RBMS3: variants seen among roughly 807,000 people sequenced by gnomAD.
RBMS3 encodes the protein RNA binding motif single stranded interacting protein 3, also known as RNA-binding motif, single-stranded-interacting protein 3.
A neutral mutation model predicts 66.8 loss-of-function variants in RBMS3; 27 were observed. That is an observed-to-expected ratio of 0.40 (90% CI 0.30 to 0.56). The LOEUF (loss-of-function observed/expected upper bound fraction) is 0.56. Ranked by LOEUF, RBMS3 falls within the 20% of genes least tolerant of loss-of-function variation. The pLI is 0.40. For synonymous variants in RBMS3, 188 were observed against 183.0 expected, an observed-to-expected ratio of 1.03 and a Z score of -0.22; for missense variants, 513 against 549.5, an observed-to-expected ratio of 0.93 and a Z score of 0.66.
At chr3:29,364,827 T>C (rs2037806380) in intron 1 of RBMS3, among the ~76,000 whole-genome samples, 1 of 152,172 alleles carries the variant, frequency 6.6e-6, no homozygotes. Flanking sequence ...TCCATTTTCT[T>C]ATAGCTTGAA....
At chr3:29,302,839 T>G (rs896152960) in intron 1 of RBMS3, among the ~76,000 whole-genome samples, 4 of 152,042 alleles carry the variant, frequency 2.6e-5, no homozygotes, top group Non-Finnish European at 4.4e-5. Context: ...CCTGTCTATT[T>G]CTTTATCTCT....
intron 3 of RBMS3, among the ~76,000 whole-genome samples, chr3:29,564,313 TAAAAATACA>T (rs1319723651): frequency 6.6e-6 from 1 of 151,572 alleles, no homozygotes; most frequent in African/African-American, 2.4e-5. Context: ...ATGTCTCCAC[TAAAAATACA>T]AAAAATACAA....
At chr3:29,807,626 G>A (rs2057598983) in intron 6 of RBMS3, among the ~76,000 whole-genome samples, 1 of 151,840 alleles carries the variant, frequency 6.6e-6, no homozygotes, top group African/African-American at 2.4e-5. Context: ...GTACAATGCA[G>A]TACTACACAG....
intron 1 of RBMS3, among the ~76,000 whole-genome samples, chr3:29,346,691 C>T (rs892855278): frequency 2.6e-5 from 4 of 152,020 alleles, no homozygotes; most frequent in Non-Finnish European, 1.5e-5. Flanking sequence ...CCGCGCCTGG[C>T]CAGCAATTCA....
intron 1 of RBMS3, among the ~76,000 whole-genome samples, chr3:29,429,097 C>T (rs59019163): frequency 0.11 from 16,310 of 152,074 alleles, 1,185 homozygotes; most frequent in East Asian, 0.29. Flanking sequence ...TGGGAGACTG[C>T]GTGGCTTCTG....
chr3:29,392,743 A>C (rs1001303999), intron 1 of RBMS3, among the ~76,000 whole-genome samples: 1 of 152,140 alleles, frequency 6.6e-6, no homozygotes, highest in Non-Finnish European at 1.5e-5. Context: ...AAACACACAT[A>C]AAAATTGCCT....
intron 3 of RBMS3, among the ~76,000 whole-genome samples, chr3:29,492,916 TCATTGGTAC>T (rs1172706607): frequency 6.6e-6 from 1 of 152,208 alleles, no homozygotes; most frequent in African/African-American, 2.4e-5. Context: ...CATCCATTCT[TCATTGGTAC>T]CATGCTAAAT....
chr3:29,707,613 G>A (rs1244713837), intron 4 of RBMS3, among the ~76,000 whole-genome samples: 2 of 152,118 alleles, frequency 1.3e-5, no homozygotes, highest in African/African-American at 4.8e-5. Context: ...TTTTCCATAA[G>A]GAAAAAGTAT....
intron 4 of RBMS3, among the ~76,000 whole-genome samples, chr3:29,671,830 G>C (rs139963230): frequency 0.027 from 4,126 of 152,268 alleles, 79 homozygotes; most frequent in Admixed American, 0.063. Flanking sequence ...AAGTGACGGG[G>C]AGAATGGAAC....
intron 2 of RBMS3, among the ~76,000 whole-genome samples, chr3:29,450,676 T>C (rs961289052): frequency 6.6e-5 from 10 of 152,216 alleles, no homozygotes; most frequent in African/African-American, 2.2e-4. Context: ...GCCTTATTCA[T>C]AGGGGTAACT....
At chr3:30,001,739 C>A (rs1215260751) in intron 14 of RBMS3, among the ~76,000 whole-genome samples, 2 of 151,516 alleles carry the variant, frequency 1.3e-5, no homozygotes, top group South Asian at 2.1e-4. Flanking sequence ...CTCATTATTT[C>A]TTCACATGAA....
At chr3:29,815,833 T>A (rs2057873927) in intron 6 of RBMS3, among the ~76,000 whole-genome samples, 1 of 151,962 alleles carries the variant, frequency 6.6e-6, no homozygotes, top group South Asian at 2.1e-4. Context: ...ACATTGGGTA[T>A]AGTGTACACT....
chr3:29,340,780 T>A (rs2036236655), intron 1 of RBMS3, among the ~76,000 whole-genome samples: 1 of 152,176 alleles, frequency 6.6e-6, no homozygotes, highest in Non-Finnish European at 1.5e-5. Context: ...ACAAGATAAT[T>A]AGATCATAGT....
chr3:29,936,601 A>G (rs902743931), intron 11 of RBMS3, among the ~76,000 whole-genome samples: 1 of 152,128 alleles, frequency 6.6e-6, no homozygotes, highest in African/African-American at 2.4e-5. Flanking sequence ...CTGAGGGGCC[A>G]GATCTATGAC....
Position 29,703,460 on chromosome 3 carries a change from C to G in RBMS3, c.400-36260C>G, listed in dbSNP as rs531781794. 2.7e-3 allele frequency among the ~76,000 whole-genome samples: 415 copies of G among 152,304 alleles called. 5 individuals carry two copies. The highest frequency in any genetic ancestry group is 0.017 in the Middle Eastern group (5 of 294). Reference sequence around the variant, plus strand: ...AATGAATGCTATTTAAGGAGAACATCTGAATATCAGATGGGAACTATTACG... The same window carrying G: ...AATGAATGCTATTTAAGGAGAACATGTGAATATCAGATGGGAACTATTACG... On this transcript the variant is annotated intron_variant, in intron 4 of 14. Coordinates refer to ENST00000383767, the MANE Select transcript of RBMS3 (RefSeq NM_001003793.3).
rs554339653 is a variant in RBMS3, at chr3:29,849,046, T to C, written c.638-19812T>C. On this transcript the variant is annotated intron_variant, in intron 6 of 14. Transcript: ENST00000383767. ...GCAGCCCCTTAGAGACCTTGACATT[T>C]TTTTCTTTAATACTACTAAAATAAT... 7.9e-5 allele frequency among the ~76,000 whole-genome samples: 12 copies of C among 152,264 alleles called. No individual in the cohort carries two copies. The South Asian group carries it at 2.1e-3, about 26-fold the overall frequency.
intron 2 of RBMS3, among the ~76,000 whole-genome samples, chr3:29,435,624 T>G (rs902420655): frequency 6.6e-6 from 1 of 152,148 alleles, no homozygotes; most frequent in Non-Finnish European, 1.5e-5. Flanking sequence ...CACCTTCCCA[T>G]AAAATTAATA....
chr3:29,926,416 T>G (rs1324090410), intron 10 of RBMS3, among the ~76,000 whole-genome samples: 1 of 152,206 alleles, frequency 6.6e-6, no homozygotes, highest in African/African-American at 2.4e-5. Flanking sequence ...ACTTTCTTAG[T>G]AATAGCCAAA....
At chr3:29,691,844 C>T (rs1055486257) in intron 4 of RBMS3, among the ~76,000 whole-genome samples, 3 of 151,792 alleles carry the variant, frequency 2.0e-5, no homozygotes, top group African/African-American at 7.3e-5. Flanking sequence ...TGCGGATTTG[C>T]TCCCAATAGT....
Sources: gnomAD v4.1 joint callset for allele counts (sites outside exome capture counted in the v4.1 genomes callset) on GRCh38, gnomAD v4.1.1 for gene constraint, MANE v1.5 for transcripts, NCBI Gene and HGNC (gene_info 2026-07-23, HGNC 2026-07-21) for gene names.